The following LPP variants were observed in gnomAD, a reference collection of about 807,000 sequenced individuals.
LPP encodes LIM domain containing preferred translocation partner in lipoma.
LPP carries 38 observed loss-of-function variants against 60.4 expected under a neutral mutation model. The observed-to-expected ratio is 0.63, with a 90% CI of 0.49 to 0.83. The LOEUF (loss-of-function observed/expected upper bound fraction) is 0.83. Among genes scored for constraint, LPP ranks in the 40% least tolerant of loss-of-function variants. The pLI, the probability that LPP is intolerant of heterozygous loss-of-function variation, is 0.00. For synonymous variants in LPP, 328 were observed against 290.8 expected, an observed-to-expected ratio of 1.13 and a Z score of -1.30; for missense variants, 902 against 783.6, an observed-to-expected ratio of 1.15 and a Z score of -1.80.
Position 188,622,974 on chromosome 3 carries a change from G to T in LPP, c.1113+13130G>T, listed in dbSNP as rs1022797436. Among the ~76,000 whole-genome samples, 7 of 146,266 alleles carry T rather than the reference G, an allele frequency of 4.8e-5. No individual in the cohort carries two copies. In the East Asian group the frequency reaches 1.4e-3, roughly 30 times the overall value. On this transcript the variant is annotated intron_variant, in intron 7 of 11. Coordinates refer to ENST00000617246, the MANE Select transcript of LPP (RefSeq NM_001375462.1). ...ACCTGAGAGGTGGAGGCTGCAGTAA[G>T]CCCAGATCACACCACTGCACTCCAG... is the stretch of plus-strand genomic sequence containing the variant.
At chr3:188,157,471 G>A (rs951260172) in intron 1 of LPP, among the ~76,000 whole-genome samples, 1 of 152,128 alleles carries the variant, frequency 6.6e-6, no homozygotes, top group Non-Finnish European at 1.5e-5. Context: ...CACGGGTAGA[G>A]TGTAACTCAT....
chr3:188,477,279 G>A (rs1241867264), intron 4 of LPP, among the ~76,000 whole-genome samples: 2 of 152,202 alleles, frequency 1.3e-5, no homozygotes, highest in Non-Finnish European at 2.9e-5. Flanking sequence ...GTCTGAAGCA[G>A]GAAGTTTAAG....
intron 4 of LPP, among the ~76,000 whole-genome samples, chr3:188,445,275 G>T (rs955251677): frequency 2.6e-5 from 4 of 152,182 alleles, no homozygotes; most frequent in Non-Finnish European, 5.9e-5. Flanking sequence ...TAAAGAAAAT[G>T]TGGCACATAT....
At chr3:188,869,554 G>A (rs1258743854) in intron 10 of LPP, among the ~76,000 whole-genome samples, 2 of 152,222 alleles carry the variant, frequency 1.3e-5, no homozygotes, top group Non-Finnish European at 2.9e-5. Context: ...GCCTCCCAAA[G>A]TGCTGGGATT....
chr3:188,372,623 C>T (rs1773612773), intron 3 of LPP, among the ~76,000 whole-genome samples: 1 of 151,644 alleles, frequency 6.6e-6, no homozygotes, highest in Non-Finnish European at 1.5e-5. Flanking sequence ...AAGTTAAGTG[C>T]ATTCAAGTTT....
At chr3:188,335,850 T>C (rs1761480449) in intron 2 of LPP, among the ~76,000 whole-genome samples, 2 of 152,194 alleles carry the variant, frequency 1.3e-5, no homozygotes, top group South Asian at 4.1e-4. Flanking sequence ...CAATTACCTC[T>C]TCTATACAAA....
At chr3:188,294,623 A>G (rs993606762) in intron 2 of LPP, among the ~76,000 whole-genome samples, 2 of 152,244 alleles carry the variant, frequency 1.3e-5, no homozygotes, top group African/African-American at 4.8e-5. Context: ...ATGTTGATTA[A>G]TGAGATATCT....
In LPP at chr3:188,633,194, T is replaced by C. The variant is rs80176322; in HGVS notation, c.1113+23350T>C. Reference sequence around the variant, plus strand: ...CTATGAGTACTTGAGAACAGGGAACTGTGTAGTAAAATTCACCACATATGC... The same window carrying C: ...CTATGAGTACTTGAGAACAGGGAACCGTGTAGTAAAATTCACCACATATGC... On this transcript the variant is annotated intron_variant, in intron 7 of 11. Transcript: ENST00000617246. Among the ~76,000 whole-genome samples the C allele has an allele frequency of 5.2e-3, 792 of 152,318 alleles. 1 individual carries two copies. Among genetic ancestry groups the C allele is most frequent in the Middle Eastern group, 0.01 (3 of 292 alleles).
Position 188,882,742 on chromosome 3 carries a change from C to CT in LPP, c.*8272dup, listed in dbSNP as rs530271084. On this transcript the variant is annotated 3_prime_UTR_variant, in exon 12 of 12. Transcript: ENST00000617246. Reference sequence around the variant, plus strand: ...ACAGATTCATTGCTAAGTGCCAATTCTTTTTTTTTCTTTTGAGACGGAGTC... The same window carrying CT: ...ACAGATTCATTGCTAAGTGCCAATTCTTTTTTTTTTCTTTTGAGACGGAGTC... The CT allele has an allele frequency of 5.3e-4, 102 of 191,306 alleles. No homozygotes were observed. The highest frequency in any genetic ancestry group is 1.8e-3 in the Middle Eastern group (1 of 560). The allele number at this position is 191,306 out of a possible 1,614,324, so 11.9% of individuals were successfully genotyped here. A position where few individuals can be genotyped will look rare whatever the true frequency, so the allele number is the denominator to read the frequency against.
At chr3:188,240,277 A>G (rs553526374) in intron 2 of LPP, 2 of 169,488 alleles carry the variant, frequency 1.2e-5, no homozygotes, top group Admixed American at 6.4e-5. Context: ...GAACATGGGT[A>G]GGAATAGCTT....
At chr3:188,522,784 AATATATATAT>A (rs61033243) in intron 5 of LPP, among the ~76,000 whole-genome samples, 19,038 of 125,276 alleles carry the variant, frequency 0.15, 1,515 homozygotes, top group African/African-American at 0.16. Context: ...GATAATATGA[AATATATATAT>A]ATATATATAT....
chr3:188,330,890 A>C (rs369128074), intron 2 of LPP, among the ~76,000 whole-genome samples: 1 of 127,048 alleles, frequency 7.9e-6, no homozygotes, highest in Non-Finnish European at 1.7e-5. Context: ...TAAATAAATA[A>C]ATACGTAAGA....
intron 3 of LPP, among the ~76,000 whole-genome samples, chr3:188,378,102 G>T (rs188496941): frequency 0.011 from 1,702 of 152,332 alleles, 29 homozygotes; most frequent in African/African-American, 0.037. Flanking sequence ...CGTGTGAGGT[G>T]TCCGTCTGCC....
intron 6 of LPP, among the ~76,000 whole-genome samples, chr3:188,564,673 G>C (rs149841536): frequency 2.6e-5 from 4 of 152,008 alleles, no homozygotes; most frequent in African/African-American, 9.6e-5. Flanking sequence ...AATATACAGG[G>C]AGAAGGAAGG....
chr3:188,266,411 C>T (rs547532424), intron 2 of LPP, among the ~76,000 whole-genome samples: 48 of 152,134 alleles, frequency 3.2e-4, no homozygotes, highest in Admixed American at 1.5e-3. Context: ...AGGAGACTGT[C>T]GCTTCCCTTG....
At position 188,888,708 on chromosome 3, in the gene LPP, A is replaced by C; in HGVS notation, c.*14229A>C. On this transcript the variant is annotated 3_prime_UTR_variant, in exon 12 of 12. Coordinates refer to ENST00000617246, the MANE Select transcript of LPP (RefSeq NM_001375462.1). ...AGAGTCGTACTGTGCAGCCTTCAAA[A>C]ACATACCATCAGAAAGAGTAGGTGC... The C allele has an allele frequency of 4.5e-6, 1 of 221,720 alleles. No individual in the cohort carries two copies. Among genetic ancestry groups the C allele is most frequent in the East Asian group, 6.6e-5 (1 of 15,254 alleles). 13.7% of individuals were successfully genotyped at this position (221,720 alleles called of 1,614,324 possible).
intron 7 of LPP, among the ~76,000 whole-genome samples, chr3:188,634,069 T>C (rs762589208): frequency 2.6e-5 from 4 of 152,222 alleles, no homozygotes; most frequent in Non-Finnish European, 5.9e-5. Context: ...AAATATTCCA[T>C]ATAAAGAATA....
At chr3:188,298,426 C>A (rs1748648948) in intron 2 of LPP, among the ~76,000 whole-genome samples, 1 of 152,116 alleles carries the variant, frequency 6.6e-6, no homozygotes, top group Non-Finnish European at 1.5e-5. Context: ...TCTTAAATAC[C>A]ATTGTTGGTG....
At chr3:188,781,493 C>T (rs185850727) in intron 9 of LPP, among the ~76,000 whole-genome samples, 18 of 152,092 alleles carry the variant, frequency 1.2e-4, no homozygotes, top group Admixed American at 2.0e-4. Flanking sequence ...GCTGGGGAGG[C>T]GTCAGGAAAC....
Sources: allele counts gnomAD v4.1 joint callset (sites outside exome capture counted in the v4.1 genomes callset), GRCh38; gene constraint gnomAD v4.1.1; transcripts MANE v1.5; gene names NCBI Gene and HGNC (gene_info 2026-07-23, HGNC 2026-07-21).